Variants in NRXN1 observed in about 807,000 individuals in gnomAD.
NRXN1 encodes the protein neurexin-1.
A neutral mutation model predicts 150.9 loss-of-function variants in NRXN1; 39 were observed. The ratio of observed to expected loss-of-function variants is 0.26; its 90% confidence interval spans 0.20 to 0.34. The LOEUF (loss-of-function observed/expected upper bound fraction) is 0.34. Among genes scored for constraint, NRXN1 ranks in the 10% least tolerant of loss-of-function variants. The pLI is 1.00. For synonymous variants in NRXN1, 924 were observed against 757.0 expected (o/e 1.22, Z -3.62); for missense variants, 1,815 against 1,949.9 (o/e 0.93, Z 1.30).
At chr2:50,373,679 A>AAGGAAAGAAAGAAAGAAAG (rs766534624) in intron 17 of NRXN1, among the ~76,000 whole-genome samples, 126 of 65,588 alleles carry the variant, frequency 1.9e-3, no homozygotes, top group African/African-American at 6.0e-3. Context: ...AGAAAGAAAG[A>AAGGAAAGAAAGAAAGAAAG]AAAGAAAGAA....
At chr2:50,821,771 A>T (rs985870389) in intron 5 of NRXN1, among the ~76,000 whole-genome samples, 9 of 152,184 alleles carry the variant, frequency 5.9e-5, no homozygotes, top group African/African-American at 2.2e-4. Context: ...GGAGTAAAAT[A>T]AGCAAATTAC....
intron 18 of NRXN1, among the ~76,000 whole-genome samples, chr2:50,095,961 G>A (rs561254898): frequency 7.5e-5 from 8 of 107,224 alleles, no homozygotes; most frequent in African/African-American, 2.3e-4. Context: ...AACAGGCCCC[G>A]GTGTGTGATG....
At chr2:50,507,660 A>C (rs2092295579) in intron 12 of NRXN1, among the ~76,000 whole-genome samples, 1 of 149,314 alleles carries the variant, frequency 6.7e-6, no homozygotes, top group African/African-American at 2.5e-5. Flanking sequence ...AAAAAAAGCA[A>C]GGGAAAATGC....
At chr2:50,285,371 C>G (rs778090383) in intron 17 of NRXN1, among the ~76,000 whole-genome samples, 30 of 152,116 alleles carry the variant, frequency 2.0e-4, no homozygotes, top group Non-Finnish European at 3.1e-4. Context: ...AAGGTAGAAA[C>G]CAAGCCTGGA....
At chr2:49,961,278 G>A (rs1204804249) in intron 21 of NRXN1, among the ~76,000 whole-genome samples, 1 of 151,444 alleles carries the variant, frequency 6.6e-6, no homozygotes, top group Non-Finnish European at 1.5e-5. Flanking sequence ...TCGCATTGTT[G>A]CTTTAACTTT....
chr2:50,702,041 T>C (rs1187952021), intron 5 of NRXN1, among the ~76,000 whole-genome samples: 2 of 152,152 alleles, frequency 1.3e-5, no homozygotes, highest in African/African-American at 2.4e-5. Context: ...AATGTAAGAC[T>C]CCTTTAATTG....
intron 5 of NRXN1, among the ~76,000 whole-genome samples, chr2:50,816,442 C>T (rs1668949591): frequency 6.6e-6 from 1 of 152,044 alleles, no homozygotes; most frequent in African/African-American, 2.4e-5. Context: ...AAATAGCTAA[C>T]AGCCATCTTG....
intron 18 of NRXN1, among the ~76,000 whole-genome samples, chr2:50,152,771 C>T (rs183999829): frequency 1.4e-3 from 213 of 151,838 alleles, no homozygotes; most frequent in Admixed American, 1.9e-3. Flanking sequence ...TGTCTTTTGA[C>T]GGTTTGATTC....
chr2:50,798,971 T>C (rs1386845456), intron 5 of NRXN1, among the ~76,000 whole-genome samples: 1 of 152,198 alleles, frequency 6.6e-6, no homozygotes, highest in Non-Finnish European at 1.5e-5. Flanking sequence ...GTCTAAATAT[T>C]AGGTTGGTGC....
intron 10 of NRXN1, among the ~76,000 whole-genome samples, chr2:50,533,697 C>G (rs2105225584): frequency 6.6e-6 from 1 of 152,318 alleles, no homozygotes. Flanking sequence ...GTCCATCTCT[C>G]TGGCCTCAGC....
intron 5 of NRXN1, among the ~76,000 whole-genome samples, chr2:50,830,416 T>C (rs1310809945): frequency 2.0e-5 from 3 of 151,934 alleles, no homozygotes; most frequent in Non-Finnish European, 4.4e-5. Flanking sequence ...CACACGGTAG[T>C]TTTATTAGTA....
intron 18 of NRXN1, among the ~76,000 whole-genome samples, chr2:50,192,169 A>G (rs2061485980): frequency 6.6e-6 from 1 of 152,200 alleles, no homozygotes; most frequent in African/African-American, 2.4e-5. Flanking sequence ...AATTTATTCA[A>G]TTTCAGTATT....
chr2:50,394,125 T>C (rs2081913305), intron 17 of NRXN1, among the ~76,000 whole-genome samples: 1 of 152,152 alleles, frequency 6.6e-6, no homozygotes, highest in Non-Finnish European at 1.5e-5. Flanking sequence ...GACCTCCAAA[T>C]ATGAGAAGGC....
rs547959634 is a variant in NRXN1, at chr2:50,637,836, C to T, written c.833-14221G>A. Among the ~76,000 whole-genome samples the T allele has an allele frequency of 4.0e-5, 6 of 151,594 alleles. No homozygotes were observed. In the East Asian group the frequency reaches 9.7e-4, roughly 24 times the overall value. On this transcript the variant is annotated intron_variant, in intron 5 of 22. Transcript: ENST00000401669. ...GGGACAGCCTAATCATTCATTAACA[C>T]CTGGTATGGTCCACAAGTTAGTATT...
At chr2:50,120,636 G>T (rs900955061) in intron 18 of NRXN1, among the ~76,000 whole-genome samples, 1 of 152,114 alleles carries the variant, frequency 6.6e-6, no homozygotes, top group East Asian at 1.9e-4. Flanking sequence ...TTTCATTAAA[G>T]TATAAAAATT....
chr2:50,242,775 G>A (rs1336188499), intron 17 of NRXN1, among the ~76,000 whole-genome samples: 1 of 151,670 alleles, frequency 6.6e-6, no homozygotes, highest in East Asian at 1.9e-4. Flanking sequence ...GGTGGGAGGG[G>A]CAGACAACAG....
chr2:50,529,977 G>A (rs1376692058), intron 11 of NRXN1, among the ~76,000 whole-genome samples: 1 of 152,102 alleles, frequency 6.6e-6, no homozygotes, highest in Admixed American at 6.6e-5. Flanking sequence ...GTTCTGCCCA[G>A]CACAATTTGA....
chr2:50,171,350 A>C (rs2060020398), intron 18 of NRXN1, among the ~76,000 whole-genome samples: 1 of 152,132 alleles, frequency 6.6e-6, no homozygotes, highest in Non-Finnish European at 1.5e-5. Flanking sequence ...TCAAATATTC[A>C]TATTTTCTAT....
intron 21 of NRXN1, among the ~76,000 whole-genome samples, chr2:49,998,247 CA>C (rs1462511715): frequency 5.3e-5 from 8 of 152,136 alleles, no homozygotes; most frequent in African/African-American, 1.9e-4. Context: ...AACACAATTT[CA>C]GAGAACTATA....
Sources: gnomAD v4.1 joint callset for allele counts (sites outside exome capture counted in the v4.1 genomes callset) on GRCh38, gnomAD v4.1.1 for gene constraint, MANE v1.5 for transcripts, NCBI Gene and HGNC (gene_info 2026-07-23, HGNC 2026-07-21) for gene names.